Variants in RANBP10 observed in about 807,000 individuals in gnomAD.
RANBP10 encodes the protein RAN binding protein 10, also known as ran-binding protein 10.
RANBP10 carries 24 observed loss-of-function variants against 72.8 expected under a neutral mutation model. The ratio of observed to expected loss-of-function variants is 0.33; its 90% confidence interval spans 0.24 to 0.46. The LOEUF (loss-of-function observed/expected upper bound fraction) is 0.46. RANBP10 is among the 20% of genes least tolerant of loss of function. The pLI is 1.00. For synonymous variants in RANBP10, 310 were observed against 322.3 expected, an observed-to-expected ratio of 0.96 and a Z score of 0.41; for missense variants, 679 against 817.5, an observed-to-expected ratio of 0.83 and a Z score of 2.07.
intron 6 of RANBP10, among the ~76,000 whole-genome samples, chr16:67,732,853 C>A (rs2053760713): frequency 6.7e-6 from 1 of 150,356 alleles, no homozygotes; most frequent in Non-Finnish European, 1.5e-5. Context: ...CAAGACCATC[C>A]TGGCTAATGC....
chr16:67,785,882 C>A (rs1376717160), intron 2 of RANBP10, among the ~76,000 whole-genome samples: 3 of 151,632 alleles, frequency 2.0e-5, no homozygotes, highest in African/African-American at 7.3e-5. Flanking sequence ...AAAAATTAGC[C>A]GAGCATGGTG....
intron 3 of RANBP10, among the ~76,000 whole-genome samples, chr16:67,768,747 T>A (rs2054550107): frequency 6.6e-6 from 1 of 152,088 alleles, no homozygotes; most frequent in Admixed American, 6.6e-5. Context: ...AAGCAAAGGA[T>A]ACTAAGTCCA....
At chr16:67,744,562 C>A in intron 3 of RANBP10, 107 bp from the exon 4 acceptor site, 1 of 1,222,822 alleles carries the variant, frequency 8.2e-7, no homozygotes, top group Non-Finnish European at 1.1e-6. Flanking sequence ...CCTGCCCCAC[C>A]TCTGTCAGCA....
chr16:67,740,939 C>T (rs2053957956), intron 4 of RANBP10, among the ~76,000 whole-genome samples: 2 of 152,072 alleles, frequency 1.3e-5, no homozygotes, highest in African/African-American at 2.4e-5. Flanking sequence ...TCCAGGCCTG[C>T]CCCGGAGCTG....
chr16:67,735,974 T>G (rs1163870001), intron 5 of RANBP10, among the ~76,000 whole-genome samples: 3 of 152,056 alleles, frequency 2.0e-5, no homozygotes, highest in African/African-American at 7.2e-5. Context: ...CTCCCTGCTT[T>G]CCACCTAGCC....
intron 2 of RANBP10, among the ~76,000 whole-genome samples, chr16:67,783,689 G>A (rs897803899): frequency 5.3e-5 from 8 of 152,136 alleles, no homozygotes; most frequent in Non-Finnish European, 8.8e-5. Flanking sequence ...TTGTAAATGT[G>A]CAGTGCCCAG....
At chr16:67,764,066 T>C (rs2054451176) in intron 3 of RANBP10, among the ~76,000 whole-genome samples, 1 of 152,170 alleles carries the variant, frequency 6.6e-6, no homozygotes, top group South Asian at 2.1e-4. Context: ...AATGTACAGG[T>C]GGAAATCAGG....
chr16:67,763,697 A>ATTTG (rs1382116089), intron 3 of RANBP10, among the ~76,000 whole-genome samples: 2 of 151,940 alleles, frequency 1.3e-5, no homozygotes, highest in Non-Finnish European at 2.9e-5. Context: ...GTATCTGATT[A>ATTTG]TTTGTTTGTT....
intron 2 of RANBP10, among the ~76,000 whole-genome samples, chr16:67,792,603 G>A (rs2143019075): frequency 6.6e-6 from 1 of 151,068 alleles, no homozygotes; most frequent in East Asian, 2.0e-4. Context: ...GGCCAATATG[G>A]TGAAGCCCCA....
At chr16:67,784,379 A>T (rs2054869248) in intron 2 of RANBP10, among the ~76,000 whole-genome samples, 1 of 151,978 alleles carries the variant, frequency 6.6e-6, no homozygotes, top group African/African-American at 2.4e-5. Flanking sequence ...AAATTAGGCC[A>T]GGCCTGGTGG....
rs1174004554 is a variant in RANBP10 at position 67,725,734 on chromosome 16, T to C, written c.*694A>G. ...CAGTTCTTGGGATGCTATAAACCAA[T>C]GTAACCATGCCCACTAAGTGGCCCA... On this transcript the variant is annotated 3_prime_UTR_variant, in exon 14 of 14. Transcript: ENST00000317506. 3.3e-5 allele frequency: 5 copies of C among 152,424 alleles called. No individual in the cohort carries two copies. Among genetic ancestry groups the C allele is most frequent in the Admixed American group, 6.6e-5 (1 of 15,266 alleles). The allele number at this position is 152,424 out of a possible 1,614,324, so 9.4% of individuals were successfully genotyped here.
intron 2 of RANBP10, among the ~76,000 whole-genome samples, chr16:67,785,016 C>T (rs1177706641): frequency 6.6e-6 from 1 of 151,566 alleles, no homozygotes; most frequent in Non-Finnish European, 1.5e-5. Flanking sequence ...TTGAGACCAA[C>T]CTGGCCAACA....
At chr16:67,777,462 G>C (rs1299213689) in intron 2 of RANBP10, among the ~76,000 whole-genome samples, 1 of 152,134 alleles carries the variant, frequency 6.6e-6, no homozygotes, top group Non-Finnish European at 1.5e-5. Context: ...CGTGAACCCA[G>C]GAGGCTGAGC....
chr16:67,797,873 C>T (rs1489748133), intron 2 of RANBP10, among the ~76,000 whole-genome samples: 1 of 151,138 alleles, frequency 6.6e-6, no homozygotes, highest in East Asian at 1.9e-4. Flanking sequence ...ACCTGTAGTC[C>T]CAGCTACTCA....
intron 2 of RANBP10, among the ~76,000 whole-genome samples, chr16:67,804,813 G>GCCA (rs2055310978): frequency 6.6e-6 from 1 of 152,084 alleles, no homozygotes; most frequent in African/African-American, 2.4e-5. Flanking sequence ...ACAGGCGTGA[G>GCCA]CCACCGTGCC....
At chr16:67,734,814 T>A in intron 6 of RANBP10, 44 bp downstream of exon 6, 1 of 1,453,706 alleles carries the variant, frequency 6.9e-7, no homozygotes, top group Non-Finnish European at 9.1e-7. Context: ...TGAAGTGGGC[T>A]GGGGTGGGGT....
chr16:67,766,229 G>C (rs2143011167), intron 3 of RANBP10, among the ~76,000 whole-genome samples: 1 of 152,270 alleles, frequency 6.6e-6, no homozygotes, highest in South Asian at 2.1e-4. Context: ...CTTCATCTCT[G>C]TTTATGAATG....
intron 2 of RANBP10, among the ~76,000 whole-genome samples, chr16:67,783,958 G>A (rs897721059): frequency 6.8e-6 from 1 of 147,940 alleles, no homozygotes; most frequent in Non-Finnish European, 1.5e-5. Context: ...GCAGAGAAGT[G>A]TTTGAACCTG....
At chr16:67,775,271 A>AAGG (rs2054681339) in intron 2 of RANBP10, among the ~76,000 whole-genome samples, 1 of 152,168 alleles carries the variant, frequency 6.6e-6, no homozygotes, top group African/African-American at 2.4e-5. Flanking sequence ...AGATCAGGCC[A>AAGG]CTGCATTCCA....
Sources: allele counts gnomAD v4.1 joint callset (sites outside exome capture counted in the v4.1 genomes callset), GRCh38; gene constraint gnomAD v4.1.1; transcripts MANE v1.5; gene names NCBI Gene and HGNC (gene_info 2026-07-23, HGNC 2026-07-21).